The following NLRC5 variants were observed in gnomAD, a reference collection of about 807,000 sequenced individuals.
NLRC5 encodes NLR family CARD domain containing 5.
NLRC5 carries 114 observed loss-of-function variants against 206.9 expected under a neutral mutation model. That is an observed-to-expected ratio of 0.55 (90% CI 0.47 to 0.64). The LOEUF is 0.64. Among genes scored for constraint, NLRC5 ranks in the 30% least tolerant of loss-of-function variants. NLRC5 has a pLI of 0.00. For missense variants in NLRC5, 2,008 were observed against 2,305.5 expected, an observed-to-expected ratio of 0.87 and a Z score of 2.64; for synonymous variants, 952 against 962.8, an observed-to-expected ratio of 0.99 and a Z score of 0.21.
chr16:57,023,930 G>A, intron 5 of NLRC5, 77 bp downstream of exon 5: 3 of 1,343,854 alleles, frequency 2.2e-6, no homozygotes, highest in Non-Finnish European at 3.1e-6. Context: ...CCTGGACCTT[G>A]TCCCCTGCCA....
At chr16:57,077,647 G>A in intron 41 of NLRC5, 72 bp from the exon 42 acceptor site, 1 of 1,442,440 alleles carries the variant, frequency 6.9e-7, no homozygotes. Context: ...AGGGGTGGCA[G>A]ACCCAGCAGA....
intron 37 of NLRC5, among the ~76,000 whole-genome samples, chr16:57,070,303 T>C (rs1372195956): frequency 5.9e-5 from 9 of 151,942 alleles, no homozygotes; most frequent in African/African-American, 2.2e-4. Context: ...GCAGCCTTCA[T>C]CCAGGGCATA....
intron 15 of NLRC5, among the ~76,000 whole-genome samples, chr16:57,039,481 G>A (rs1373562024): frequency 6.6e-6 from 1 of 152,154 alleles, no homozygotes; most frequent in Admixed American, 6.5e-5. Context: ...AGCACTTTGG[G>A]AAGCAAAGGT....
intron 15 of NLRC5, among the ~76,000 whole-genome samples, chr16:57,038,125 G>A (rs2062834711): frequency 6.6e-6 from 1 of 152,066 alleles, no homozygotes; most frequent in Non-Finnish European, 1.5e-5. Context: ...AAAGAAAATA[G>A]CTGGAATGTT....
chr16:57,013,829 G>C, intron 1 of NLRC5: 1 of 694,188 alleles, frequency 1.4e-6, no homozygotes, highest in South Asian at 1.5e-5. Flanking sequence ...TCCAGCATAA[G>C]TTATTTCATC....
chr16:57,024,643 G>T (rs1261764089), intron 5 of NLRC5, among the ~76,000 whole-genome samples: 1 of 152,192 alleles, frequency 6.6e-6, no homozygotes, highest in Non-Finnish European at 1.5e-5. Flanking sequence ...TCACCCCTGG[G>T]CATTGCAGAA....
intron 1 of NLRC5, among the ~76,000 whole-genome samples, chr16:56,996,157 TC>T (rs2057579958): frequency 6.6e-6 from 1 of 152,246 alleles, no homozygotes; most frequent in Admixed American, 6.5e-5. Context: ...TTTTTTGTTT[TC>T]CTTGGCTTTC....
In NLRC5 at chr16:57,034,220, C is replaced by T; in HGVS notation, c.2596C>T (p.Leu866Phe). The stretch of plus-strand genomic sequence containing the variant: ...CGATGCGGAGGCCCTCATAGCCCTG[C>T]TCCAGGAAGGCCCTCACCTGGAGGA... The part of the protein sequence containing the change: ...VHDAEALIAL[L>F]QEGPHLEEVD... Residue 866 changes from leucine to phenylalanine, a missense_variant, in exon 13 of 49, where the codon CTC becomes TTC. Physicochemically the swap from Leu to Phe is conservative, Grantham distance 22 (BLOSUM62 0). Transcript: ENST00000688547. 1.2e-6 allele frequency: 2 copies of T among 1,614,030 alleles called. No individual in the cohort carries two copies. Among genetic ancestry groups the T allele is most frequent in the Non-Finnish European group, 1.7e-6 (2 of 1,179,918 alleles).
chr16:57,054,669 C>A, intron 24 of NLRC5, 82 bp from the exon 25 acceptor site: 1 of 858,592 alleles, frequency 1.2e-6, no homozygotes, highest in Non-Finnish European at 2.0e-6. Flanking sequence ...CTAGCCCTCC[C>A]CACCCTCCCT....
chr16:57,015,591 A>AAAATAAATAAGTAAAT, intron 1 of NLRC5, among the ~76,000 whole-genome samples: 1 of 138,400 alleles, frequency 7.2e-6, no homozygotes, highest in Admixed American at 7.3e-5. Flanking sequence ...GTCTCTTAAA[A>AAAATAAATAAGTAAAT]AAATAAATAA....
intron 46 of NLRC5, 75 bp downstream of exon 46, chr16:57,079,704 C>A: frequency 1.6e-6 from 2 of 1,245,090 alleles, no homozygotes; most frequent in Non-Finnish European, 2.4e-6. Flanking sequence ...TGGCTCCAGC[C>A]TGCTGTGTGG....
chr16:57,032,576 A>G (rs1448813573), intron 11 of NLRC5, among the ~76,000 whole-genome samples: 1 of 149,624 alleles, frequency 6.7e-6, no homozygotes, highest in Non-Finnish European at 1.5e-5. Flanking sequence ...AATTAAAATT[A>G]AGTAAAATGA....
At position 57,080,481 on chromosome 16, in the gene NLRC5, A is replaced by ATTTTTTT. The variant is rs34595999; in HGVS notation, c.5322-602_5322-596dup. The stretch of plus-strand genomic sequence containing the variant: ...GTAGCAATAAAAGTTTCCTTTCAAG[A>ATTTTTTT]TTTTTTTTTTTTTTTTTTTTTGAGA... On this transcript the variant is annotated intron_variant, in intron 46 of 48. Coordinates refer to ENST00000688547, the MANE Select transcript of NLRC5 (RefSeq NM_001384950.1). Among the ~76,000 whole-genome samples, 13 of 111,156 alleles carry ATTTTTTT rather than the reference A, an allele frequency of 1.2e-4. 1 individual carries two copies. Among genetic ancestry groups the ATTTTTTT allele is most frequent in the African/African-American group, 1.4e-4 (4 of 29,330 alleles). The allele number at this position is 111,156 out of a possible 152,430, so 72.9% of individuals were successfully genotyped here.
intron 27 of NLRC5, 48 bp downstream of exon 27, chr16:57,055,567 G>T (rs1350983998): frequency 1.3e-6 from 2 of 1,491,020 alleles, no homozygotes; most frequent in South Asian, 1.1e-5. Flanking sequence ...ACGCATGCCT[G>T]AGGGGCACTG....
chr16:57,072,911 C>T (rs564055199), intron 38 of NLRC5, among the ~76,000 whole-genome samples: 3 of 152,154 alleles, frequency 2.0e-5, no homozygotes, highest in South Asian at 2.1e-4. Context: ...TCCCTCTTTG[C>T]TTGTCCTGGG....
rs1031361410 is a variant in NLRC5 at position 57,021,887 on chromosome 16, G to A, written c.296-369G>A. Among the ~76,000 whole-genome samples the A allele has an allele frequency of 7.2e-5, 11 of 152,144 alleles. No homozygotes were observed. In the South Asian group the frequency reaches 8.3e-4, roughly 11 times the overall value. On this transcript the variant is annotated intron_variant, in intron 3 of 48. Transcript: ENST00000688547. ...CTTCAAGGCAGAGTGTGGGAATTGC[G>A]GGGGGCGGGGCGGCGCATGCACATA...
intron 10 of NLRC5, 26 bp downstream of exon 10, chr16:57,030,110 C>T (rs1271243005): frequency 3.2e-6 from 5 of 1,578,318 alleles, no homozygotes; most frequent in Non-Finnish European, 4.4e-6. Context: ...GGGATCTTGG[C>T]CTTATGGGCC....
chr16:57,071,073 A>C (rs80003733), intron 38 of NLRC5, among the ~76,000 whole-genome samples: 1 of 63,372 alleles, frequency 1.6e-5, no homozygotes, highest in African/African-American at 7.8e-5. Context: ...AATGGGGAAG[A>C]GTTGTGAGTG....
At chr16:57,059,400 G>A in intron 29 of NLRC5, 67 bp from the exon 30 acceptor site, 1 of 1,552,432 alleles carries the variant, frequency 6.4e-7, no homozygotes. Context: ...TGCCCTGTGG[G>A]TGCCCTAGGT....
Sources: gnomAD v4.1 joint callset for allele counts (sites outside exome capture counted in the v4.1 genomes callset) on GRCh38, gnomAD v4.1.1 for gene constraint, MANE v1.5 for transcripts, NCBI Gene and HGNC (gene_info 2026-07-23, HGNC 2026-07-21) for gene names.